The following CRACD variants were observed in gnomAD, a reference collection of about 807,000 sequenced individuals.
The protein encoded by CRACD is capping protein-inhibiting regulator of actin dynamics.
A neutral mutation model predicts 106.8 loss-of-function variants in CRACD; 56 were observed. The observed-to-expected ratio is 0.52, with a 90% CI of 0.42 to 0.66. The LOEUF (loss-of-function observed/expected upper bound fraction) is 0.66, where lower values mean the gene tolerates loss of function less well. Among genes scored for constraint, CRACD ranks in the 30% least tolerant of loss-of-function variants. The pLI is 0.00. For synonymous variants in CRACD, 754 were observed against 670.8 expected, an observed-to-expected ratio of 1.12 and a Z score of -1.92; for missense variants, 1,730 against 1,623.2, an observed-to-expected ratio of 1.07 and a Z score of -1.13.
At chr4:56,215,300 C>T (rs150076478) in intron 2 of CRACD, among the ~76,000 whole-genome samples, 6 of 152,312 alleles carry the variant, frequency 3.9e-5, no homozygotes, top group Middle Eastern at 3.4e-3. Flanking sequence ...GGATTACAAA[C>T]GTGAATCACT....
chr4:56,323,331 C>T (rs184617806), intron 8 of CRACD, 46 bp from the exon 9 acceptor site: 119 of 1,530,454 alleles, frequency 7.8e-5, no homozygotes, highest in South Asian at 3.3e-4. Flanking sequence ...GAGGTAAGTC[C>T]GCAGTTAAGT....
At chr4:56,266,457 C>CGA (rs1395429378) in intron 2 of CRACD, among the ~76,000 whole-genome samples, 7 of 152,176 alleles carry the variant, frequency 4.6e-5, no homozygotes, top group African/African-American at 1.7e-4. Flanking sequence ...CCCTTCTTCC[C>CGA]ACTGCCCAAC....
rs1745284704 is a variant in CRACD at position 56,313,389 on chromosome 4, G to A, written c.537+10G>A. Reference sequence around the variant, plus strand: ...CAGGCGCCTTGCCCAGGTGTGTAGAGCCTGCACGGGCTGACCAGGCAGGTG... The same window carrying A: ...CAGGCGCCTTGCCCAGGTGTGTAGAACCTGCACGGGCTGACCAGGCAGGTG... On this transcript the variant is annotated intron_variant, in intron 7 of 10. Coordinates refer to ENST00000682029, the MANE Select transcript of CRACD (RefSeq NM_001393381.1). The A allele has an allele frequency of 1.2e-6, 2 of 1,604,448 alleles. No homozygotes were observed. The highest frequency in any genetic ancestry group is 1.1e-5 in the South Asian group (1 of 90,488).
In CRACD at chr4:56,133,622, C is replaced by T. The variant is rs550448278; in HGVS notation, c.-335-45662C>T. ...AACAAGAAGTGAATGTCTTTCTTGT[C>T]GAACCTACAATCTGCATGAAAACAA... On this transcript the variant is annotated intron_variant, in intron 1 of 10. Transcript: ENST00000682029. Among the ~76,000 whole-genome samples, 7 of 152,232 alleles carry T rather than the reference C, an allele frequency of 4.6e-5. No individual in the cohort carries two copies. The East Asian group carries it at 1.2e-3, about 25-fold the overall frequency.
intron 1 of CRACD, among the ~76,000 whole-genome samples, chr4:56,051,966 T>C (rs540422453): frequency 3.9e-5 from 6 of 152,352 alleles, no homozygotes; most frequent in Non-Finnish European, 8.8e-5. Context: ...AATGTGGGCA[T>C]AGCACAATGT....
chr4:56,259,034 A>G (rs1363301671), intron 2 of CRACD, among the ~76,000 whole-genome samples: 1 of 152,208 alleles, frequency 6.6e-6, no homozygotes, highest in Non-Finnish European at 1.5e-5. Context: ...TTCAATTAAC[A>G]AGAGCGAGTC....
Position 56,204,830 on chromosome 4 carries a change from C to G in CRACD, c.-189+25400C>G, listed in dbSNP as rs575217316. Among the ~76,000 whole-genome samples the G allele has an allele frequency of 3.9e-5, 6 of 152,188 alleles. No individual in the cohort carries two copies. In the South Asian group the frequency reaches 1.2e-3, roughly 32 times the overall value. On this transcript the variant is annotated intron_variant, in intron 2 of 10. Transcript: ENST00000682029. ...GAGAAGAAAAGAAGTAAAGTCAGGT[C>G]TTGAGAGGCTTTTAAAACTGGATTC...
In CRACD at chr4:56,216,922, G is replaced by A. The variant is rs567706640; in HGVS notation, c.-189+37492G>A. ...GTGAACCCGGGAAGCGGAGCTTGCAGTGAGCCGAGATTGCGCCACTGCAGT... is the reference window on the plus strand; with the variant it reads ...GTGAACCCGGGAAGCGGAGCTTGCAATGAGCCGAGATTGCGCCACTGCAGT... On this transcript the variant is annotated intron_variant, in intron 2 of 10. Transcript: ENST00000682029. Among the ~76,000 whole-genome samples, 38 of 146,954 alleles carry A rather than the reference G, an allele frequency of 2.6e-4. No individual in the cohort carries two copies. The East Asian group carries it at 7.1e-3, about 27-fold the overall frequency.
chr4:56,116,415 G>T (rs1734280193), intron 1 of CRACD, among the ~76,000 whole-genome samples: 1 of 152,204 alleles, frequency 6.6e-6, no homozygotes. Context: ...CAAGGTCAGA[G>T]TAAGTAATGG....
At chr4:56,313,493 T>G (rs1290048603) in intron 7 of CRACD, 114 bp downstream of exon 7, 5 of 857,862 alleles carry the variant, frequency 5.8e-6, no homozygotes, top group Non-Finnish European at 8.9e-6. Flanking sequence ...AGTCTCCCCA[T>G]CGGGAACTTG....
chr4:56,326,010 C>T (rs6820279), intron 10 of CRACD, among the ~76,000 whole-genome samples: 1 of 152,106 alleles, frequency 6.6e-6, no homozygotes, highest in Non-Finnish European at 1.5e-5. Flanking sequence ...CTCCTGGGTT[C>T]AAGCAATTCT....
rs1407907307 is a variant in CRACD at position 56,314,928 on chromosome 4, C to T, written c.1426C>T (p.Arg476Cys). The T allele has an allele frequency of 4.4e-6, 7 of 1,601,922 alleles. No homozygotes were observed. Among genetic ancestry groups the T allele is most frequent in the African/African-American group, 4.0e-5 (3 of 74,810 alleles). The change falls in exon 8 of 11, where the codon CGT (arginine) becomes TGT (cysteine). Residue 476 changes from arginine (R) to cysteine (C), a missense_variant. This residue lies in a region of CRACD where 1,620 missense variants were observed against 1,481.6 expected (regional missense o/e 1.09). Coordinates refer to ENST00000682029, the MANE Select transcript of CRACD (RefSeq NM_001393381.1). The surrounding 1 kb of genome is among the most constrained non-coding windows in gnomAD (Gnocchi z 4.4). ...GRSGDFQGAD[R>C]PGPEEKREEG... ...GAGCGGGGATTTCCAGGGGGCCGAT[C>T]GTCCTGGGCCCGAGGAAAAGAGAGA...
Position 56,255,952 on chromosome 4 carries a change from G to T in CRACD, c.-188-16369G>T, listed in dbSNP as rs560677406. On this transcript the variant is annotated intron_variant, in intron 2 of 10. Coordinates refer to ENST00000682029, the MANE Select transcript of CRACD (RefSeq NM_001393381.1). ...GCTGTTCAAGTTGCTCTGCCATTTG[G>T]GCCATATGACCCAGCAAATCCAATG... Among the ~76,000 whole-genome samples, 5 of 152,280 alleles carry T rather than the reference G, an allele frequency of 3.3e-5. No individual in the cohort carries two copies. The South Asian group carries it at 1.0e-3, about 32-fold the overall frequency.
chr4:56,068,553 T>G (rs911647284), intron 1 of CRACD, among the ~76,000 whole-genome samples: 10 of 152,090 alleles, frequency 6.6e-5, no homozygotes, highest in African/African-American at 2.4e-4. Context: ...GGAAGGAGTA[T>G]AAGAGCAGGG....
At chr4:56,063,159 C>G (rs1306928444) in intron 1 of CRACD, among the ~76,000 whole-genome samples, 1 of 152,054 alleles carries the variant, frequency 6.6e-6, no homozygotes, top group Admixed American at 6.6e-5. Flanking sequence ...CTTATTAGAT[C>G]TGCATTTCTA....
Position 56,316,463 on chromosome 4 carries a change from G to A in CRACD, c.2961G>A (p.Glu987=). Residue 987 remains glutamate (E), a synonymous_variant, in exon 8 of 11, where the codon GAG becomes GAA. Coordinates refer to ENST00000682029, the MANE Select transcript of CRACD (RefSeq NM_001393381.1). ...LSKLSRPYLV[E]LLSRRAGRPD... is the part of the protein sequence containing the mutation. ...AACTGAGCAGGCCCTACTTGGTAGA[G>A]CTGCTGTCTCGCCGAGCGGGGAGGC... The A allele has an allele frequency of 6.2e-7, 1 of 1,614,056 alleles. No homozygotes were observed. The highest frequency in any genetic ancestry group is 1.1e-5 in the South Asian group (1 of 91,086).
chr4:56,177,400 G>A (rs1048257609), intron 1 of CRACD, among the ~76,000 whole-genome samples: 3 of 152,062 alleles, frequency 2.0e-5, no homozygotes, highest in Admixed American at 6.6e-5. Context: ...GCATTCCTGG[G>A]GTGAATCCCA....
chr4:56,253,677 G>A (rs1486500513), intron 2 of CRACD, among the ~76,000 whole-genome samples: 2 of 152,128 alleles, frequency 1.3e-5, no homozygotes, highest in Admixed American at 6.5e-5. Flanking sequence ...TTCCCAAAGG[G>A]GCTGCATTTA....
intron 2 of CRACD, among the ~76,000 whole-genome samples, chr4:56,262,589 T>C (rs1339033476): frequency 6.6e-6 from 1 of 152,184 alleles, no homozygotes; most frequent in African/African-American, 2.4e-5. Flanking sequence ...CAGTTCTTCT[T>C]CCAGTGTGGC....
Sources: allele counts gnomAD v4.1 joint callset (sites outside exome capture counted in the v4.1 genomes callset), GRCh38; gene constraint gnomAD v4.1.1; regional missense constraint gnomAD v4.1.1; non-coding constraint Gnocchi (gnomAD v3.1); transcripts MANE v1.5; gene names NCBI Gene and HGNC (gene_info 2026-07-23, HGNC 2026-07-21).